The following LYPLA2 variants were observed in gnomAD, a reference collection of about 807,000 sequenced individuals.
LYPLA2 encodes the protein acyl-protein thioesterase 2.
LYPLA2 carries 7 observed loss-of-function variants against 30.3 expected under a neutral mutation model. That is an observed-to-expected ratio of 0.23 (90% confidence interval 0.13 to 0.43). The LOEUF (loss-of-function observed/expected upper bound fraction) is 0.43. Among genes scored for constraint, LYPLA2 ranks in the 20% least tolerant of loss-of-function variants. The probability of loss-of-function intolerance (pLI) is 1.00; values close to 1 mark genes in which losing one functional copy is unlikely to be tolerated. For synonymous variants in LYPLA2, 112 were observed against 118.2 expected, an observed-to-expected ratio of 0.95 and a Z score of 0.34; for missense variants, 206 against 307.9, an observed-to-expected ratio of 0.67 and a Z score of 2.48.
In LYPLA2 at chr1:23,793,607, AG is replaced by A. The variant is rs138609198; in HGVS notation, c.177-94del. 4.8e-4 allele frequency: 589 copies of A among 1,228,286 alleles called. 7 individuals are homozygous for A. The East Asian group carries it at 0.011, about 22-fold the overall frequency. The allele number at this position is 1,228,286 out of a possible 1,614,324, so 76.1% of individuals were successfully genotyped here. A position where few individuals can be genotyped will look rare whatever the true frequency, so the allele number is the denominator to read the frequency against. On this transcript the variant is annotated intron_variant, in intron 4 of 9. Transcript: ENST00000374514. This position sits in a 1 kb window ranked among gnomAD's most constrained non-coding sequence, Gnocchi z 6.0. ...TTAAACACAGGCCCTGCCTGCTGGG[AG>A]GGGCCACCAGGGGCGGCGCGGCCCC...
Position 23,793,285 on chromosome 1 carries a change from G to A in LYPLA2, c.176+69G>A. 6.6e-7 allele frequency: 1 copy of A among 1,505,110 alleles called. No homozygotes were observed. Among genetic ancestry groups the A allele is most frequent in the South Asian group, 1.1e-5 (1 of 88,370 alleles). The allele number at this position is 1,505,110 out of a possible 1,614,324, so 93.2% of individuals were successfully genotyped here. ...TCTGGGGGTGGTCCTGTCATCCCAG[G>A]CCTGTTCTCTCCTGTCAGTTGCATC... On this transcript the variant is annotated intron_variant, in intron 4 of 9. Coordinates refer to ENST00000374514, the MANE Select transcript of LYPLA2 (RefSeq NM_007260.3). The surrounding 1 kb of genome is among the most constrained non-coding windows in gnomAD (Gnocchi z 6.0).
At position 23,793,220 on chromosome 1, in the gene LYPLA2, A is replaced by G. The variant is rs370129638; in HGVS notation, c.176+4A>G. On this transcript the variant is annotated splice_donor_region_variant and intron_variant, in intron 4 of 9. Transcript: ENST00000374514. The surrounding 1 kb of genome is among the most constrained non-coding windows in gnomAD (Gnocchi z 6.0). ...TCAAGTACATCTGTCCCCATGCGTG[A>G]GTGTCACCCCAGCAAGGGAGGGGCT... The G allele has an allele frequency of 3.0e-5, 48 of 1,613,074 alleles. No homozygotes were observed. The highest frequency in any genetic ancestry group is 3.9e-5 in the Non-Finnish European group (46 of 1,179,738).
rs999788615 is a variant in LYPLA2, at chr1:23,795,539, A to G, written c.*807A>G. 14 of 252,138 alleles carry G rather than the reference A, an allele frequency of 5.6e-5. No homozygotes were observed. The highest frequency in any genetic ancestry group is 1.4e-3 in the Middle Eastern group (1 of 712). The allele number at this position is 252,138 out of a possible 1,614,324, so 15.6% of individuals were successfully genotyped here. ...TAAAATTAAAGAAATTGCTTCCTCA[A>G]CGCTCAGGCCTGGCTGATTCTATTC... On this transcript the variant is annotated 3_prime_UTR_variant, in exon 10 of 10. Coordinates refer to ENST00000374514, the MANE Select transcript of LYPLA2 (RefSeq NM_007260.3).
Position 23,793,598 on chromosome 1 carries a change from C to G in LYPLA2, c.177-107C>G, listed in dbSNP as rs1432915744. ...GGCAACACCTTAAACACAGGCCCTG[C>G]CTGCTGGGAGGGGCCACCAGGGGCG... On this transcript the variant is annotated intron_variant, in intron 4 of 9. Coordinates refer to ENST00000374514, the MANE Select transcript of LYPLA2 (RefSeq NM_007260.3). This position sits in a 1 kb window ranked among gnomAD's most constrained non-coding sequence, Gnocchi z 6.0. 20 of 1,166,166 alleles carry G rather than the reference C, an allele frequency of 1.7e-5. No individual in the cohort carries two copies. In the Admixed American group the frequency reaches 3.4e-4, roughly 20 times the overall value. 72.2% of individuals were successfully genotyped at this position (1,166,166 alleles called of 1,614,324 possible).
rs755891364 is a variant in LYPLA2 at position 23,793,050 on chromosome 1, G to GAGGAGGGGTGCTCCTTA, written c.110+21_110+37dup. On this transcript the variant is annotated intron_variant, in intron 3 of 9. Coordinates refer to ENST00000374514, the MANE Select transcript of LYPLA2 (RefSeq NM_007260.3). The surrounding 1 kb of genome is among the most constrained non-coding windows in gnomAD (Gnocchi z 6.0). ...ACTTGGAGACACAGGGTAAGTGACTGAGGAGGGGTGCTCCTTAAGGAGGGG... is the reference window on the plus strand; with the variant it reads ...ACTTGGAGACACAGGGTAAGTGACTGAGGAGGGGTGCTCCTTAAGGAGGGGTGCTCCTTAAGGAGGGG... 6.2e-7 allele frequency: 1 copy of GAGGAGGGGTGCTCCTTA among 1,613,466 alleles called. No homozygotes were observed.
intron 1 of LYPLA2, among the ~76,000 whole-genome samples, 156 bp downstream of exon 1, chr1:23,791,406 C>T (rs1174478476): frequency 1.3e-5 from 2 of 150,452 alleles, no homozygotes; most frequent in Non-Finnish European, 3.0e-5. Context: ...GGGAGTGGAG[C>T]GGGGCTAGGC....
Position 23,793,123 on chromosome 1 carries a change from G to A in LYPLA2, c.111-28G>A, listed in dbSNP as rs376835219. 166 of 1,613,732 alleles carry A rather than the reference G, an allele frequency of 1.0e-4. No individual in the cohort carries two copies. Among genetic ancestry groups the A allele is most frequent in the Non-Finnish European group, 8.2e-5 (97 of 1,179,782 alleles). On this transcript the variant is annotated intron_variant, in intron 3 of 9. Transcript: ENST00000374514. The surrounding 1 kb of genome is among the most constrained non-coding windows in gnomAD (Gnocchi z 6.0). ...AGAGGCCTTCTCTTCCTACCACATC[G>A]GAGCCTTTTCTCCCGTCCCTCCTAC...
chr1:23,794,258 G>A lies in LYPLA2; in HGVS notation c.404G>A (p.Cys135Tyr). 1 of 1,611,652 alleles carries A rather than the reference G, an allele frequency of 6.2e-7. No homozygotes were observed. Among genetic ancestry groups the A allele is most frequent in the South Asian group, 1.1e-5 (1 of 90,932 alleles). ...CTGTCCCTCTACACGGCCCTCACCT[G>A]CCCCCACCCTCTGGCTGGCATCGTG... ...GALSLYTALTCPHPLAGIVAL... is the reference protein window; with the variant it reads ...GALSLYTALTYPHPLAGIVAL... Residue 135 changes from cysteine (C) to tyrosine (Y), a missense_variant, in exon 8 of 10, where the codon TGC becomes TAC. Physicochemically the swap from Cys to Tyr is radical, Grantham distance 194. Transcript: ENST00000374514. This position sits in a 1 kb window ranked among gnomAD's most constrained non-coding sequence, Gnocchi z 5.9.
intron 1 of LYPLA2, among the ~76,000 whole-genome samples, chr1:23,792,344 C>T (rs895522101): frequency 4.6e-5 from 7 of 152,100 alleles, no homozygotes; most frequent in Non-Finnish European, 8.8e-5. Context: ...GCAGGCGTGC[C>T]GCTGCCTCCC....
In LYPLA2 at chr1:23,793,744, G is replaced by A. The variant is rs1271464545; in HGVS notation, c.216G>A (p.Met72Ile). ...IPVTLNMKMVMPSWFDLMGLS... is the reference protein window; with the variant it reads ...IPVTLNMKMVIPSWFDLMGLS... ...TGACCCTCAACATGAAGATGGTGAT[G>A]CCCTCCTGGTGAGTTTGGGAGTGGG... The change falls in exon 5 of 10, where the codon ATG becomes ATA. Residue 72 changes from methionine (M) to isoleucine (I), a missense_variant. Transcript: ENST00000374514. This position sits in a 1 kb window ranked among gnomAD's most constrained non-coding sequence, Gnocchi z 6.0. 6.2e-7 allele frequency: 1 copy of A among 1,614,110 alleles called. No individual in the cohort carries two copies. Among genetic ancestry groups the A allele is most frequent in the East Asian group, 2.2e-5 (1 of 44,870 alleles).
rs1316069497 is a variant in LYPLA2 at position 23,794,881 on chromosome 1, G to T, written c.*149G>T. 4 of 891,800 alleles carry T rather than the reference G, an allele frequency of 4.5e-6. No individual in the cohort carries two copies. The highest frequency in any genetic ancestry group is 2.8e-5 in the South Asian group (2 of 70,258). 55.2% of individuals were successfully genotyped at this position (891,800 alleles called of 1,614,324 possible). ...CAGGCCTCTGGGGGCAGGTGGCAAG[G>T]CCTGGCCGGGCCTTCCTTCCTGGCC... On this transcript the variant is annotated 3_prime_UTR_variant, in exon 10 of 10. Coordinates refer to ENST00000374514, the MANE Select transcript of LYPLA2 (RefSeq NM_007260.3). The surrounding 1 kb of genome is among the most constrained non-coding windows in gnomAD (Gnocchi z 5.9).
In LYPLA2 at chr1:23,793,196, C is replaced by T; in HGVS notation, c.156C>T (p.Val52=). 3.7e-6 allele frequency: 6 copies of T among 1,613,928 alleles called. No homozygotes were observed. The highest frequency in any genetic ancestry group is 1.7e-4 in the Middle Eastern group (1 of 5,974). The stretch of plus-strand genomic sequence containing the variant: ...TCTCCACCATCCGGCTCCCTCACGT[C>T]AAGTACATCTGTCCCCATGCGTGAG... ...DALSTIRLPH[V]KYICPHAPRI... Residue 52 remains valine, a synonymous_variant, in exon 4 of 10, where the codon GTC becomes GTT. Transcript: ENST00000374514. This position sits in a 1 kb window ranked among gnomAD's most constrained non-coding sequence, Gnocchi z 6.0.
At chr1:23,792,504 C>T (rs995938515) in intron 1 of LYPLA2, 153 bp from the exon 2 acceptor site, 2 of 617,812 alleles carry the variant, frequency 3.2e-6, no homozygotes, top group Admixed American at 5.3e-5. Context: ...AGGCAGACTT[C>T]TTCTCCTGTG....
chr1:23,792,925 C>T (rs968526176), intron 2 of LYPLA2, 83 bp from the exon 3 acceptor site: 9 of 1,506,606 alleles, frequency 6.0e-6, no homozygotes, highest in Non-Finnish European at 8.2e-6. Flanking sequence ...TCCCCCAGGT[C>T]CTTGGGGGTG....
intron 1 of LYPLA2, 180 bp from the exon 2 acceptor site, chr1:23,792,477 T>C (rs1037544467): frequency 5.5e-5 from 32 of 577,456 alleles, no homozygotes; most frequent in Admixed American, 5.0e-4. Context: ...TGTCTCTGCC[T>C]TTCAGCCCTG....
Position 23,794,159 on chromosome 1 carries a change from G to C in LYPLA2, c.369+23G>C. ...CAGGTGAGGGGAGAGGGGTGGGGGG[G>C]TAGGGGGTAGGGGTGGCCGGTGAGT... is the stretch of plus-strand genomic sequence containing the variant. On this transcript the variant is annotated intron_variant, in intron 7 of 9. Transcript: ENST00000374514. The surrounding 1 kb of genome is among the most constrained non-coding windows in gnomAD (Gnocchi z 5.9). 1.2e-6 allele frequency: 1 copy of C among 800,500 alleles called. No homozygotes were observed. The highest frequency in any genetic ancestry group is 2.2e-6 in the Non-Finnish European group (1 of 463,828). The allele number at this position is 800,500 out of a possible 1,614,324, so 49.6% of individuals were successfully genotyped here.
Position 23,792,998 on chromosome 1 carries a change from C to A in LYPLA2, c.79-10C>A. ...GCCTTCCTGTCTCCCCATTTCCCAT[C>A]CTTTTCCAGGTTATTTTTTTACATG... On this transcript the variant is annotated splice_polypyrimidine_tract_variant and intron_variant, in intron 2 of 9. Coordinates refer to ENST00000374514, the MANE Select transcript of LYPLA2 (RefSeq NM_007260.3). 2 of 1,611,720 alleles carry A rather than the reference C, an allele frequency of 1.2e-6. No homozygotes were observed. The highest frequency in any genetic ancestry group is 1.7e-6 in the Non-Finnish European group (2 of 1,178,630).
intron 1 of LYPLA2, chr1:23,792,145 G>C (rs1638806270): frequency 6.7e-6 from 1 of 150,164 alleles, no homozygotes; most frequent in African/African-American, 2.5e-5. Flanking sequence ...GTGAAGGCTG[G>C]ATGGGGGCTG....
Position 23,793,990 on chromosome 1 carries a change from C to T in LYPLA2, c.295+60C>T, listed in dbSNP as rs1353206651. 10 of 1,587,274 alleles carry T rather than the reference C, an allele frequency of 6.3e-6. No homozygotes were observed. Among genetic ancestry groups the T allele is most frequent in the Admixed American group, 1.7e-5 (1 of 59,956 alleles). On this transcript the variant is annotated intron_variant, in intron 6 of 9. Coordinates refer to ENST00000374514, the MANE Select transcript of LYPLA2 (RefSeq NM_007260.3). The surrounding 1 kb of genome is among the most constrained non-coding windows in gnomAD (Gnocchi z 6.0). ...CCCTGCCCCCCAGGAAAGCGCTGGG[C>T]GGTTCCTCAGCCTAGCTCCCTTATT...
Sources: gnomAD v4.1 joint callset for allele counts (sites outside exome capture counted in the v4.1 genomes callset) on GRCh38, gnomAD v4.1.1 for gene constraint, Gnocchi (gnomAD v3.1) non-coding constraint, MANE v1.5 for transcripts, NCBI Gene and HGNC (gene_info 2026-07-23, HGNC 2026-07-21) for gene names.